Variants in BAZ2B observed in about 807,000 individuals in gnomAD.
The protein encoded by BAZ2B is bromodomain adjacent to zinc finger domain 2B, also known as bromodomain adjacent to zinc finger domain protein 2B.
In BAZ2B, 91 loss-of-function variants were observed where a neutral mutation model predicts 246.0. That is an observed-to-expected ratio of 0.37 (90% CI 0.31 to 0.44). BAZ2B has a LOEUF of 0.44. Among genes scored for constraint, BAZ2B ranks in the 20% least tolerant of loss-of-function variants. The pLI, the probability that BAZ2B is intolerant of heterozygous loss-of-function variation, is 1.00. For missense variants in BAZ2B, 2,332 were observed against 2,533.7 expected (o/e 0.92, Z 1.71); for synonymous variants, 855 against 860.0 (o/e 0.99, Z 0.10).
intron 20 of BAZ2B, 81 bp from the exon 21 acceptor site, chr2:159,389,566 G>C: frequency 8.1e-7 from 1 of 1,231,950 alleles, no homozygotes; most frequent in Non-Finnish European, 1.1e-6. Context: ...TAGCAACATT[G>C]AATTATTTTG....
the BAZ2B span, among the ~76,000 whole-genome samples, chr2:159,674,422 A>C: frequency 3.3e-5 from 5 of 151,844 alleles, no homozygotes; most frequent in African/African-American, 1.2e-4. Context: ...AAGAAAAGAA[A>C]AAAGAATGGA....
chr2:159,491,243 C>G (rs6739918), intron 2 of BAZ2B, among the ~76,000 whole-genome samples: 77,470 of 151,898 alleles, frequency 0.51, 20,221 homozygotes, highest in South Asian at 0.63. Context: ...ATGCAACAAC[C>G]AAATTGCTTA....
chr2:159,549,709 C>T (rs144697013), intron 2 of BAZ2B, among the ~76,000 whole-genome samples: 1 of 148,246 alleles, frequency 6.7e-6, no homozygotes, highest in Non-Finnish European at 1.5e-5. Context: ...CCACAGGCCA[C>T]AGGTTGGACA....
chr2:159,321,564 C>A (rs2062718821), intron 36 of BAZ2B, among the ~76,000 whole-genome samples: 1 of 152,158 alleles, frequency 6.6e-6, no homozygotes, highest in South Asian at 2.1e-4. Context: ...CAATGGCGCA[C>A]CATTCAGCCA....
At chr2:159,433,411 A>G (rs1393378563) in intron 8 of BAZ2B, 48 bp from the exon 9 acceptor site, 1 of 1,526,066 alleles carries the variant, frequency 6.6e-7, no homozygotes, top group Admixed American at 2.1e-5. Context: ...CCACAAAACA[A>G]AGATTGCTTT....
At chr2:159,542,330 C>T (rs1254358046) in intron 2 of BAZ2B, among the ~76,000 whole-genome samples, 3 of 152,128 alleles carry the variant, frequency 2.0e-5, no homozygotes, top group East Asian at 1.9e-4. Flanking sequence ...ATATCCATAT[C>T]CACAAGCTAA....
intron 3 of BAZ2B, among the ~76,000 whole-genome samples, chr2:159,468,282 C>T (rs1250135896): frequency 6.6e-6 from 1 of 152,000 alleles, no homozygotes; most frequent in Non-Finnish European, 1.5e-5. Flanking sequence ...GGCAGAGCAA[C>T]TGAAAATTAG....
chr2:159,479,188 T>A (rs966831819), intron 2 of BAZ2B, among the ~76,000 whole-genome samples: 3 of 152,158 alleles, frequency 2.0e-5, no homozygotes, highest in Non-Finnish European at 4.4e-5. Flanking sequence ...TCCAAGAATC[T>A]GGCCTGGGAA....
intron 2 of BAZ2B, among the ~76,000 whole-genome samples, chr2:159,546,779 G>C (rs1422951021): frequency 2.6e-5 from 4 of 151,746 alleles, no homozygotes; most frequent in Non-Finnish European, 5.9e-5. Flanking sequence ...CTTTCTCCCT[G>C]TGGAGAATAT....
At chr2:159,683,945 T>C in the BAZ2B span, among the ~76,000 whole-genome samples, 1 of 152,228 alleles carries the variant, frequency 6.6e-6, no homozygotes, top group Non-Finnish European at 1.5e-5. Context: ...TGGATATCTC[T>C]GGGAGGCCAT....
At chr2:159,382,043 T>C (rs2062049386) in intron 25 of BAZ2B, among the ~76,000 whole-genome samples, 1 of 152,218 alleles carries the variant, frequency 6.6e-6, no homozygotes, top group Admixed American at 6.5e-5. Flanking sequence ...AAAGCAGTTA[T>C]CACATTATGT....
At chr2:159,361,896 G>A (rs149515312) in intron 27 of BAZ2B, among the ~76,000 whole-genome samples, 5,327 of 150,706 alleles carry the variant, frequency 0.035, 186 homozygotes, top group African/African-American at 0.095. Flanking sequence ...ATAAGTGGGC[G>A]TTGAACGATG....
chr2:159,653,566 C>A, the BAZ2B span, among the ~76,000 whole-genome samples: 1 of 152,082 alleles, frequency 6.6e-6, no homozygotes, highest in Non-Finnish European at 1.5e-5. Context: ...CCCTAGAAAT[C>A]AAAACAACTT....
the BAZ2B span, among the ~76,000 whole-genome samples, chr2:159,691,737 C>T: frequency 6.6e-6 from 1 of 152,150 alleles, no homozygotes; most frequent in Non-Finnish European, 1.5e-5. Flanking sequence ...CGGTATTACA[C>T]TAAACAGGAT....
At chr2:159,521,856 A>G (rs936749863) in intron 2 of BAZ2B, among the ~76,000 whole-genome samples, 2 of 152,070 alleles carry the variant, frequency 1.3e-5, no homozygotes, top group Non-Finnish European at 2.9e-5. Context: ...TTTTTTATCA[A>G]TATTTCACAT....
chr2:159,544,062 C>G (rs370827070), intron 2 of BAZ2B, among the ~76,000 whole-genome samples: 3 of 152,264 alleles, frequency 2.0e-5, no homozygotes, highest in Admixed American at 1.3e-4. Flanking sequence ...GAGTTTTCCA[C>G]AGTCTGGATT....
rs564872389 is a variant in BAZ2B, at chr2:159,324,281, C to T, written c.6353+530G>A. Among the ~76,000 whole-genome samples, 344 of 152,158 alleles carry T rather than the reference C, an allele frequency of 2.3e-3. 4 individuals are homozygous for T. Among genetic ancestry groups the T allele is most frequent in the South Asian group, 0.018 (86 of 4,804 alleles). On this transcript the variant is annotated intron_variant, in intron 36 of 36. Coordinates refer to ENST00000392783, the MANE Select transcript of BAZ2B (RefSeq NM_013450.4). Reference sequence around the variant, plus strand: ...AGAAAAGCAAATAAGCTTTCTCTCCCGCATTTAATAAATGGAATTTTGGTA... The same window carrying T: ...AGAAAAGCAAATAAGCTTTCTCTCCTGCATTTAATAAATGGAATTTTGGTA...
At chr2:159,668,923 G>A in the BAZ2B span, among the ~76,000 whole-genome samples, 1 of 152,088 alleles carries the variant, frequency 6.6e-6, no homozygotes, top group Non-Finnish European at 1.5e-5. Flanking sequence ...GGGCATGGTG[G>A]TGCATGCCTG....
the BAZ2B span, chr2:159,690,016 C>T: frequency 2.2e-5 from 9 of 407,476 alleles, no homozygotes; most frequent in Non-Finnish European, 2.7e-5. Flanking sequence ...AAGTAAGATC[C>T]ATGACATGGA....
Sources: allele counts gnomAD v4.1 joint callset (sites outside exome capture counted in the v4.1 genomes callset), GRCh38; gene constraint gnomAD v4.1.1; transcripts MANE v1.5; gene names NCBI Gene and HGNC (gene_info 2026-07-23, HGNC 2026-07-21).